SLC16A10: variants seen among roughly 807,000 people sequenced by gnomAD.
SLC16A10 encodes monocarboxylate transporter 10.
Under a neutral mutation model 40.0 loss-of-function variants are expected in SLC16A10, and 27 were observed. The ratio of observed to expected loss-of-function variants is 0.67; its 90% CI spans 0.50 to 0.93. The LOEUF is 0.93. SLC16A10 is among the 40% of genes least tolerant of loss of function. The pLI is 0.00. For synonymous variants in SLC16A10, 213 were observed against 249.8 expected, an observed-to-expected ratio of 0.85 and a Z score of 1.39; for missense variants, 529 against 658.2, an observed-to-expected ratio of 0.80 and a Z score of 2.15.
chr6:111,202,901 AAAAAAAAAAAAAAAAAAAAAG>A, intron 3 of SLC16A10, among the ~76,000 whole-genome samples: 1 of 11,312 alleles, frequency 8.8e-5, no homozygotes, highest in African/African-American at 1.6e-4. Context: ...AAAAAAAAAA[AAAAAAAAAAAAAAAAAAAAAG>A]ATGAATTCCT....
intron 1 of SLC16A10, among the ~76,000 whole-genome samples, chr6:111,135,487 T>C (rs1027865681): frequency 2.0e-5 from 3 of 152,202 alleles, no homozygotes; most frequent in African/African-American, 7.2e-5. Flanking sequence ...TGTCCCTCTA[T>C]ACCCAGCTGT....
intron 4 of SLC16A10, among the ~76,000 whole-genome samples, chr6:111,216,570 C>CTT (rs55837060): frequency 7.5e-6 from 1 of 133,562 alleles, no homozygotes; most frequent in Non-Finnish European, 1.6e-5. Flanking sequence ...GCCCGGCTAA[C>CTT]TTTTTTTTTT....
chr6:111,177,210 A>T lies in SLC16A10; in HGVS notation c.489-2A>T. The T allele has an allele frequency of 6.7e-7, 1 of 1,501,508 alleles. No homozygotes were observed. Among genetic ancestry groups the T allele is most frequent in the Non-Finnish European group, 8.9e-7 (1 of 1,124,920 alleles). The allele number at this position is 1,501,508 out of a possible 1,614,324, so 93.0% of individuals were successfully genotyped here. A position where few individuals can be genotyped will look rare whatever the true frequency, so the allele number is the denominator to read the frequency against. ...CTTTCCATCTTTTTCATCTTTATAC[A>T]GTTCCATCGAGCCTCTGTACCTTAC... On this transcript the variant is annotated splice_acceptor_variant, in intron 2 of 5. Coordinates refer to ENST00000368851, the MANE Select transcript of SLC16A10 (RefSeq NM_018593.5). LOFTEE classifies it high-confidence loss of function.
chr6:111,209,826 G>A (rs1161701154), intron 4 of SLC16A10, among the ~76,000 whole-genome samples: 1 of 152,166 alleles, frequency 6.6e-6, no homozygotes, highest in East Asian at 1.9e-4. Flanking sequence ...CTATGAGTGA[G>A]CTTACAGAGA....
intron 4 of SLC16A10, among the ~76,000 whole-genome samples, chr6:111,207,995 G>C (rs1583363206): frequency 6.6e-6 from 1 of 151,986 alleles, no homozygotes; most frequent in East Asian, 1.9e-4. Context: ...TTGAGGCAAG[G>C]TGTCACTCCG....
intron 1 of SLC16A10, among the ~76,000 whole-genome samples, chr6:111,163,739 T>TAATA (rs1772419344): frequency 6.6e-6 from 1 of 152,164 alleles, no homozygotes; most frequent in African/African-American, 2.4e-5. Flanking sequence ...CATTAGAGGT[T>TAATA]TAAAACACTT....
intron 3 of SLC16A10, among the ~76,000 whole-genome samples, chr6:111,187,474 C>T (rs1562426560): frequency 6.6e-6 from 1 of 152,100 alleles, no homozygotes; most frequent in East Asian, 1.9e-4. Context: ...AGTTGCACTC[C>T]TCCCCCTGCC....
intron 1 of SLC16A10, among the ~76,000 whole-genome samples, chr6:111,159,119 C>T (rs1772326660): frequency 6.8e-6 from 1 of 148,136 alleles, no homozygotes; most frequent in Non-Finnish European, 1.5e-5. Context: ...ACAGGCCCAG[C>T]TGTGGTCCCG....
chr6:111,150,535 G>A (rs569879083), intron 1 of SLC16A10, among the ~76,000 whole-genome samples: 2 of 152,178 alleles, frequency 1.3e-5, no homozygotes, highest in Non-Finnish European at 2.9e-5. Flanking sequence ...GATGAGGGCT[G>A]GTGTAGCAGT....
intron 1 of SLC16A10, among the ~76,000 whole-genome samples, chr6:111,096,881 G>A (rs1358822384): frequency 6.6e-6 from 1 of 152,006 alleles, no homozygotes; most frequent in Non-Finnish European, 1.5e-5. Flanking sequence ...TGCAGTCAGT[G>A]ATGTGATGGC....
chr6:111,150,976 T>G (rs368120979), intron 1 of SLC16A10, among the ~76,000 whole-genome samples: 6 of 152,364 alleles, frequency 3.9e-5, no homozygotes, highest in African/African-American at 1.4e-4. Flanking sequence ...ATGTGAGGTA[T>G]GCTCTCAGGA....
intron 1 of SLC16A10, among the ~76,000 whole-genome samples, chr6:111,125,108 C>A (rs1353322306): frequency 6.6e-6 from 1 of 152,094 alleles, no homozygotes; most frequent in Non-Finnish European, 1.5e-5. Flanking sequence ...TTTATTTAAA[C>A]CCTGAATTAG....
rs1186135149 is a variant in SLC16A10 at position 111,222,899 on chromosome 6, A to G, written c.*664A>G. The G allele has an allele frequency of 6.6e-6, 1 of 152,242 alleles. No homozygotes were observed. The highest frequency in any genetic ancestry group is 1.5e-5 in the Non-Finnish European group (1 of 68,060). 9.4% of individuals were successfully genotyped at this position (152,242 alleles called of 1,614,324 possible). On this transcript the variant is annotated 3_prime_UTR_variant, in exon 6 of 6. Transcript: ENST00000368851. ...ATCCTGAGCTGTTCAGAAATCATTT[A>G]AGTTTACAGCGTTGTTCCCTTTGCG...
chr6:111,206,445 C>T lies in SLC16A10; in HGVS notation c.943-147C>T, dbSNP rs1040224555. ...TTTCAAATGTTTTCATGAAAATTATCACAGGACAAGTTTCATAAATATTGA... is the reference window on the plus strand; with the variant it reads ...TTTCAAATGTTTTCATGAAAATTATTACAGGACAAGTTTCATAAATATTGA... On this transcript the variant is annotated intron_variant, in intron 3 of 5. Transcript: ENST00000368851. The T allele has an allele frequency of 1.7e-5, 13 of 786,200 alleles. No individual in the cohort carries two copies. In the African/African-American group the frequency reaches 1.8e-4, roughly 11 times the overall value. 48.7% of individuals were successfully genotyped at this position (786,200 alleles called of 1,614,324 possible).
chr6:111,103,569 C>G (rs1771228350), intron 1 of SLC16A10, among the ~76,000 whole-genome samples: 1 of 152,108 alleles, frequency 6.6e-6, no homozygotes, highest in African/African-American at 2.4e-5. Context: ...ACGCAAGAAA[C>G]AAATTCGACT....
At chr6:111,178,337 G>T (rs186751539) in intron 3 of SLC16A10, 15 of 526,472 alleles carry the variant, frequency 2.8e-5, no homozygotes, top group African/African-American at 2.7e-4. Flanking sequence ...AGAGAACTAT[G>T]GTTTTATAGG....
At chr6:111,185,315 AG>A (rs1192596878) in intron 3 of SLC16A10, among the ~76,000 whole-genome samples, 1 of 152,214 alleles carries the variant, frequency 6.6e-6, no homozygotes, top group Non-Finnish European at 1.5e-5. Context: ...ATCCAGAGAT[AG>A]GAGTGCTGCT....
chr6:111,139,334 G>A (rs1211834568), intron 1 of SLC16A10, among the ~76,000 whole-genome samples: 2 of 151,010 alleles, frequency 1.3e-5, no homozygotes, highest in East Asian at 1.9e-4. Context: ...ACAGCATCTC[G>A]CTCTGTCACC....
intron 4 of SLC16A10, among the ~76,000 whole-genome samples, chr6:111,212,364 G>T (rs1231378543): frequency 6.6e-6 from 1 of 152,196 alleles, no homozygotes; most frequent in Non-Finnish European, 1.5e-5. Context: ...GGAGACTAGG[G>T]TCTAATCCTG....
Sources: allele counts gnomAD v4.1 joint callset (sites outside exome capture counted in the v4.1 genomes callset), GRCh38; gene constraint gnomAD v4.1.1; transcripts MANE v1.5; gene names NCBI Gene and HGNC (gene_info 2026-07-23, HGNC 2026-07-21).